The following CRAMP1 variants were observed in gnomAD, a reference collection of about 807,000 sequenced individuals.
CRAMP1 encodes the protein cramped chromatin regulator 1, also known as protein cramped-like.
CRAMP1 carries 50 observed loss-of-function variants against 115.4 expected under a neutral mutation model. That is an observed-to-expected ratio of 0.43 (90% CI 0.35 to 0.55). The LOEUF is 0.55. CRAMP1 is among the 20% of genes least tolerant of loss of function. The probability of loss-of-function intolerance (pLI) is 0.01; values close to 1 mark genes in which losing one functional copy is unlikely to be tolerated. For synonymous variants in CRAMP1, 866 were observed against 745.4 expected (o/e 1.16, Z -2.64); for missense variants, 1,679 against 1,721.7 (o/e 0.98, Z 0.44).
At chr16:1,665,205 G>GAC (rs1310956008) in intron 14 of CRAMP1, 67 bp downstream of exon 14, 19 of 956,132 alleles carry the variant, frequency 2.0e-5, no homozygotes, top group Non-Finnish European at 3.3e-5. Context: ...TGGCTTTGGA[G>GAC]ACAATGGGTG....
At position 1,676,791 on chromosome 16, in the gene CRAMP1, C is replaced by T. The variant is rs891626760; in HGVS notation, c.*2746C>T. 3.3e-5 allele frequency: 5 copies of T among 152,236 alleles called. No individual in the cohort carries two copies. Among genetic ancestry groups the T allele is most frequent in the Non-Finnish European group, 7.3e-5 (5 of 68,056 alleles). The allele number at this position is 152,236 out of a possible 1,614,324, so 9.4% of individuals were successfully genotyped here. On this transcript the variant is annotated 3_prime_UTR_variant, in exon 21 of 21. Coordinates refer to ENST00000397412, the MANE Select transcript of CRAMP1 (RefSeq NM_020825.4). ...AGTGATAAGCGGGCATTGCGTGCCTCGGGGGATGCCTAGTTCGTGGCTTCC... is the reference window on the plus strand; with the variant it reads ...AGTGATAAGCGGGCATTGCGTGCCTTGGGGGATGCCTAGTTCGTGGCTTCC...
rs768499069 is a variant in CRAMP1, at chr16:1,659,902, C to T, written c.2252C>T (p.Thr751Ile). The T allele has an allele frequency of 1.2e-6, 2 of 1,613,402 alleles. No homozygotes were observed. Among genetic ancestry groups the T allele is most frequent in the South Asian group, 2.2e-5 (2 of 91,078 alleles). Residue 751 changes from threonine (T) to isoleucine (I), a missense_variant, in exon 11 of 21, where the codon ACC (threonine) becomes ATC (isoleucine). This residue lies in a region of CRAMP1 where 709 missense variants were observed against 741.9 expected (regional missense o/e 0.96). Transcript: ENST00000397412. ...VNPKLALEANTISTASVRPAQ... is the reference protein window; with the variant it reads ...VNPKLALEANIISTASVRPAQ... Reference sequence around the variant, plus strand: ...CTGTCCTAGGCTCTGGAAGCAAACACCATCTCTACAGCCTCAGTAAGGCCC... The same window carrying T: ...CTGTCCTAGGCTCTGGAAGCAAACATCATCTCTACAGCCTCAGTAAGGCCC...
chr16:1,622,469 C>T (rs1187621151), intron 2 of CRAMP1, among the ~76,000 whole-genome samples: 1 of 152,220 alleles, frequency 6.6e-6, no homozygotes, highest in Non-Finnish European at 1.5e-5. Flanking sequence ...AGGATTGCAC[C>T]ACTGCACTCC....
intron 17 of CRAMP1, 46 bp downstream of exon 17, chr16:1,667,446 C>A: frequency 6.7e-7 from 1 of 1,500,738 alleles, no homozygotes; most frequent in Non-Finnish European, 9.2e-7. Flanking sequence ...TGCCCCAGGA[C>A]TCCCTCCAGT....
chr16:1,614,236 G>C lies in CRAMP1; in HGVS notation c.-1-403G>C, dbSNP rs1320047464. Among the ~76,000 whole-genome samples, 1 of 147,548 alleles carries C rather than the reference G, an allele frequency of 6.8e-6. No individual in the cohort carries two copies. The highest frequency in any genetic ancestry group is 1.5e-5 in the Non-Finnish European group (1 of 66,184). On this transcript the variant is annotated intron_variant, in intron 1 of 20. Coordinates refer to ENST00000397412, the MANE Select transcript of CRAMP1 (RefSeq NM_020825.4). This position sits in a 1 kb window ranked among gnomAD's most constrained non-coding sequence, Gnocchi z 4.4. ...CATGAGCCGCGGCCCCGCCGGGTAG[G>C]TGGCTGTGGGCGGGGCAGCGGCCCG...
At chr16:1,662,067 A>C (rs1411110875) in intron 11 of CRAMP1, among the ~76,000 whole-genome samples, 1 of 152,174 alleles carries the variant, frequency 6.6e-6, no homozygotes, top group African/African-American at 2.4e-5. Context: ...TGTAGTTGCT[A>C]TTGTGCACGG....
At chr16:1,663,379 G>A (rs1361534097) in intron 13 of CRAMP1, among the ~76,000 whole-genome samples, 1 of 152,186 alleles carries the variant, frequency 6.6e-6, no homozygotes, top group Non-Finnish European at 1.5e-5. Flanking sequence ...TTCATGCACA[G>A]GTTTCCTTTT....
chr16:1,653,905 G>A (rs1013783966), intron 8 of CRAMP1, among the ~76,000 whole-genome samples: 15 of 151,828 alleles, frequency 9.9e-5, no homozygotes, highest in Admixed American at 6.6e-5. Context: ...ACTTTGGGAG[G>A]CCAAGGCAGG....
At chr16:1,625,398 A>G (rs947281543) in intron 2 of CRAMP1, among the ~76,000 whole-genome samples, 3 of 152,196 alleles carry the variant, frequency 2.0e-5, no homozygotes, top group African/African-American at 7.2e-5. Context: ...TTATCAGGTC[A>G]TTCTCAGAAC....
intron 10 of CRAMP1, among the ~76,000 whole-genome samples, chr16:1,658,194 GGAAA>G (rs2036792922): frequency 6.6e-6 from 1 of 152,172 alleles, no homozygotes; most frequent in Admixed American, 6.5e-5. Context: ...GGGGGCTGGA[GGAAA>G]GAAAGTTCTT....
At chr16:1,646,890 T>A (rs2036679810) in intron 6 of CRAMP1, among the ~76,000 whole-genome samples, 1 of 152,256 alleles carries the variant, frequency 6.6e-6, no homozygotes, top group African/African-American at 2.4e-5. Context: ...AGCTGTGCCA[T>A]CTGAAAGGAC....
rs1476771163 is a variant in CRAMP1, at chr16:1,614,346, T to C, written c.-1-293T>C. Among the ~76,000 whole-genome samples, 6 of 123,474 alleles carry C rather than the reference T, an allele frequency of 4.9e-5. No homozygotes were observed. Among genetic ancestry groups the C allele is most frequent in the Admixed American group, 3.8e-4 (5 of 13,254 alleles). The allele number at this position is 123,474 out of a possible 152,430, so 81.0% of individuals were successfully genotyped here. A position where few individuals can be genotyped will look rare whatever the true frequency, so the allele number is the denominator to read the frequency against. On this transcript the variant is annotated intron_variant, in intron 1 of 20. Coordinates refer to ENST00000397412, the MANE Select transcript of CRAMP1 (RefSeq NM_020825.4). This position sits in a 1 kb window ranked among gnomAD's most constrained non-coding sequence, Gnocchi z 4.4. ...GGGCCGGGGCCGGGGCCGGGCAGGG[T>C]CCGCCGAGCTGTCGCGCCCTCCCGC... is the stretch of plus-strand genomic sequence containing the variant.
intron 11 of CRAMP1, 67 bp downstream of exon 11, chr16:1,660,130 C>T (rs149980542): frequency 1.6e-5 from 22 of 1,354,956 alleles, no homozygotes; most frequent in African/African-American, 1.0e-4. Flanking sequence ...CTTCAGGGGC[C>T]GTGCCGAAGC....
rs1471775389 is a variant in CRAMP1, at chr16:1,669,232, TG to T, written c.3499+69del. On this transcript the variant is annotated intron_variant, in intron 19 of 20. Transcript: ENST00000397412. The surrounding 1 kb of genome is among the most constrained non-coding windows in gnomAD (Gnocchi z 4.6). ...GCAGGGGCTGGGGTCTGCGGGACAC[TG>T]GATTCTCATTCTACTCAAACTCCCA... 1.6e-6 allele frequency: 2 copies of T among 1,259,554 alleles called. No homozygotes were observed. Among genetic ancestry groups the T allele is most frequent in the Non-Finnish European group, 1.1e-6 (1 of 926,444 alleles). 78.0% of individuals were successfully genotyped at this position (1,259,554 alleles called of 1,614,324 possible). A position where few individuals can be genotyped will look rare whatever the true frequency, so the allele number is the denominator to read the frequency against.
rs75252775 is a variant in CRAMP1 at position 1,615,561 on chromosome 16, A to G, written c.346+576A>G. ...GGTTTACTTCTGTGCCAAAGAAAGG[A>G]AAGAGTGGTGAAAACGATTGACATG... On this transcript the variant is annotated intron_variant, in intron 2 of 20. Coordinates refer to ENST00000397412, the MANE Select transcript of CRAMP1 (RefSeq NM_020825.4). 2.4e-3 allele frequency among the ~76,000 whole-genome samples: 372 copies of G among 152,330 alleles called. 5 individuals are homozygous for G. Among genetic ancestry groups the G allele is most frequent in the African/African-American group, 8.3e-3 (347 of 41,564 alleles).
chr16:1,661,835 T>G (rs917858270), intron 11 of CRAMP1, among the ~76,000 whole-genome samples: 1 of 152,142 alleles, frequency 6.6e-6, no homozygotes, highest in Admixed American at 6.5e-5. Context: ...CAGGGTGATT[T>G]ACAGCAGCAC....
chr16:1,672,960 C>T lies in CRAMP1; in HGVS notation c.3646-921C>T, dbSNP rs1485737679. On this transcript the variant is annotated intron_variant, in intron 20 of 20. Transcript: ENST00000397412. The surrounding 1 kb of genome is among the most constrained non-coding windows in gnomAD (Gnocchi z 4.9). ...TGTTGCTTCTTTAAAAAGGAACGTA[C>T]TCCCCATGTGTCCTCATGTCTCTGA... 1.3e-5 allele frequency among the ~76,000 whole-genome samples: 2 copies of T among 152,260 alleles called. No homozygotes were observed. Among genetic ancestry groups the T allele is most frequent in the African/African-American group, 4.8e-5 (2 of 41,470 alleles).
chr16:1,629,280 C>T (rs1427003362), intron 3 of CRAMP1, among the ~76,000 whole-genome samples: 2 of 152,250 alleles, frequency 1.3e-5, no homozygotes, highest in Admixed American at 6.5e-5. Context: ...CCCTCCCTGT[C>T]TCTGCACAGG....
chr16:1,655,886 C>T lies in CRAMP1; in HGVS notation c.1129C>T (p.Leu377Phe). Residue 377 changes from leucine to phenylalanine, a missense_variant, in exon 10 of 21, where the codon CTC becomes TTC. Physicochemically the swap from Leu to Phe is conservative, Grantham distance 22. Coordinates refer to ENST00000397412, the MANE Select transcript of CRAMP1 (RefSeq NM_020825.4). ...ALHEVRVRKT[L>F]EERQLQDSCS... ...CTTGACGGGCACTCAGCGGAAGACA[C>T]TCGAGGAGCGGCAGCTGCAGGACTC... 3 of 1,608,344 alleles carry T rather than the reference C, an allele frequency of 1.9e-6. No individual in the cohort carries two copies. The highest frequency in any genetic ancestry group is 1.7e-6 in the Non-Finnish European group (2 of 1,176,528).
Sources: gnomAD v4.1 joint callset for allele counts (sites outside exome capture counted in the v4.1 genomes callset) on GRCh38, gnomAD v4.1.1 for gene constraint, gnomAD v4.1.1 regional missense constraint, Gnocchi (gnomAD v3.1) non-coding constraint, MANE v1.5 for transcripts, NCBI Gene and HGNC (gene_info 2026-07-23, HGNC 2026-07-21) for gene names.